ZMYND11: variants seen among roughly 807,000 people sequenced by gnomAD.
ZMYND11 encodes zinc finger MYND domain-containing protein 11.
Under a neutral mutation model 84.9 loss-of-function variants are expected in ZMYND11, and 9 were observed. The ratio of observed to expected loss-of-function variants is 0.11; its 90% CI spans 0.06 to 0.18. The LOEUF (loss-of-function observed/expected upper bound fraction) is 0.18, where lower values mean the gene tolerates loss of function less well. ZMYND11 is among the 10% of genes least tolerant of loss of function. The pLI, the probability that ZMYND11 is intolerant of heterozygous loss-of-function variation, is 1.00. For missense variants in ZMYND11, 409 were observed against 761.0 expected (o/e 0.54, Z 5.44); for synonymous variants, 250 against 244.1 (o/e 1.02, Z -0.23).
chr10:217,614 C>A (rs1414126949), intron 3 of ZMYND11, among the ~76,000 whole-genome samples: 1 of 151,944 alleles, frequency 6.6e-6, no homozygotes, highest in Non-Finnish European at 1.5e-5. Flanking sequence ...TAAGCATGTT[C>A]TATCATTTTG....
At chr10:181,774 A>G (rs775254306) in intron 2 of ZMYND11, among the ~76,000 whole-genome samples, 26 of 152,220 alleles carry the variant, frequency 1.7e-4, no homozygotes, top group Admixed American at 8.5e-4. Context: ...AGTAGAAGAA[A>G]AAAAAGATAA....
chr10:203,194 T>C (rs934845158), intron 2 of ZMYND11, among the ~76,000 whole-genome samples: 3 of 152,144 alleles, frequency 2.0e-5, no homozygotes, highest in Admixed American at 6.5e-5. Flanking sequence ...CTACGTATGG[T>C]GTGCACTTTA....
At chr10:152,227 AG>A (rs1173460954) in intron 1 of ZMYND11, among the ~76,000 whole-genome samples, 14 of 152,238 alleles carry the variant, frequency 9.2e-5, no homozygotes, top group African/African-American at 3.1e-4. Flanking sequence ...ATGAACTTTA[AG>A]TGTAAATGGG....
chr10:212,896 ATT>A (rs1177341964), intron 3 of ZMYND11, among the ~76,000 whole-genome samples: 3 of 152,174 alleles, frequency 2.0e-5, no homozygotes, highest in African/African-American at 4.8e-5. Flanking sequence ...CTGGATCTTT[ATT>A]TAAAGTGTAA....
intron 1 of ZMYND11, among the ~76,000 whole-genome samples, chr10:168,883 A>G (rs1199645093): frequency 3.9e-5 from 6 of 152,102 alleles, no homozygotes; most frequent in African/African-American, 1.4e-4. Flanking sequence ...GATGCCCAGT[A>G]TGGACAACTC....
chr10:167,072 T>C (rs1844177042), intron 1 of ZMYND11, among the ~76,000 whole-genome samples: 1 of 152,126 alleles, frequency 6.6e-6, no homozygotes, highest in South Asian at 2.1e-4. Context: ...TTGAGGATGC[T>C]AGGGGCTTGG....
intron 1 of ZMYND11, among the ~76,000 whole-genome samples, chr10:169,775 T>C (rs1392296396): frequency 1.3e-5 from 2 of 151,838 alleles, no homozygotes; most frequent in East Asian, 3.9e-4. Flanking sequence ...AAAAAACCAA[T>C]CGACAACAGA....
chr10:137,367 G>A (rs990386792), intron 1 of ZMYND11, among the ~76,000 whole-genome samples: 2 of 152,102 alleles, frequency 1.3e-5, no homozygotes, highest in South Asian at 2.1e-4. Context: ...AGAGCCCTTG[G>A]TCCTCCTCAC....
intron 4 of ZMYND11, among the ~76,000 whole-genome samples, chr10:222,502 G>T (rs1361190184): frequency 6.6e-6 from 1 of 152,138 alleles, no homozygotes; most frequent in Non-Finnish European, 1.5e-5. Flanking sequence ...TCAATATGTA[G>T]ACCTCCTCTT....
chr10:236,953 AAC>A (rs1385212571), intron 5 of ZMYND11, 38 bp downstream of exon 5: 2 of 1,562,558 alleles, frequency 1.3e-6, no homozygotes, highest in Non-Finnish European at 1.8e-6. Flanking sequence ...AATATCCCAA[AAC>A]ACATTTTACT....
chr10:154,534 T>TGAC (rs1232705869), intron 1 of ZMYND11, among the ~76,000 whole-genome samples: 2 of 152,192 alleles, frequency 1.3e-5, no homozygotes, highest in African/African-American at 4.8e-5. Flanking sequence ...GCATGCTGAA[T>TGAC]GACTCAGTTT....
At chr10:228,258 A>T (rs1948455495) in intron 4 of ZMYND11, among the ~76,000 whole-genome samples, 1 of 152,260 alleles carries the variant, frequency 6.6e-6, no homozygotes, top group Non-Finnish European at 1.5e-5. Flanking sequence ...AACAGTGGTT[A>T]TGATCAGAAA....
chr10:159,606 A>T (rs1842534498), intron 1 of ZMYND11, among the ~76,000 whole-genome samples: 1 of 152,254 alleles, frequency 6.6e-6, no homozygotes, highest in South Asian at 2.1e-4. Context: ...GCGTATTCTG[A>T]AATTTCAGAG....
intron 1 of ZMYND11, among the ~76,000 whole-genome samples, chr10:171,362 T>A (rs1387308246): frequency 6.6e-6 from 1 of 152,116 alleles, no homozygotes; most frequent in Non-Finnish European, 1.5e-5. Flanking sequence ...TAATAGCAGA[T>A]CACACGTTCT....
At chr10:172,713 A>G (rs1554766005) in intron 1 of ZMYND11, among the ~76,000 whole-genome samples, 2 of 152,206 alleles carry the variant, frequency 1.3e-5, no homozygotes, top group Admixed American at 6.5e-5. Context: ...TCAGAATCCC[A>G]GCAAGTTATT....
At chr10:238,929 C>G (rs968921306) in intron 6 of ZMYND11, among the ~76,000 whole-genome samples, 2 of 152,126 alleles carry the variant, frequency 1.3e-5, no homozygotes, top group Non-Finnish European at 2.9e-5. Context: ...GACAGGGACA[C>G]CTGAGATGTT....
intron 3 of ZMYND11, chr10:218,383 G>A: frequency 4.4e-6 from 1 of 226,890 alleles, no homozygotes; most frequent in Non-Finnish European, 9.8e-6. Context: ...AATCCCTTTA[G>A]CCCTGTGTAT....
chr10:206,942 C>G (rs1384579550), intron 2 of ZMYND11, among the ~76,000 whole-genome samples: 1 of 152,060 alleles, frequency 6.6e-6, no homozygotes, highest in East Asian at 1.9e-4. Context: ...CACCCATTAA[C>G]TCATCATTTA....
At position 246,878 on chromosome 10, in the gene ZMYND11, C is replaced by T. The variant is rs1193115374; in HGVS notation, c.1063C>T (p.Arg355Cys). The T allele has an allele frequency of 5.0e-6, 8 of 1,613,896 alleles. No individual in the cohort carries two copies. Among genetic ancestry groups the T allele is most frequent in the South Asian group, 2.2e-5 (2 of 91,032 alleles). Residue 355 changes from arginine (R) to cysteine (C), a missense_variant, in exon 11 of 15, where the codon CGT becomes TGT. Coordinates refer to ENST00000381604, the MANE Select transcript of ZMYND11 (RefSeq NM_001370100.5). ...CTGTGATGAGCTGGAGCTGCATCAGCGTTTCCTACGAGAAGGGAGATTTTG... is the reference window on the plus strand; with the variant it reads ...CTGTGATGAGCTGGAGCTGCATCAGTGTTTCCTACGAGAAGGGAGATTTTG... ...KACDELELHQ[R>C]FLREGRFWKS...
Sources: allele counts gnomAD v4.1 joint callset (sites outside exome capture counted in the v4.1 genomes callset), GRCh38; gene constraint gnomAD v4.1.1; transcripts MANE v1.5; gene names NCBI Gene and HGNC (gene_info 2026-07-23, HGNC 2026-07-21).